MGAT4C: variants seen among roughly 807,000 people sequenced by gnomAD.
MGAT4C encodes the protein MGAT4 family member C.
Under a neutral mutation model 40.1 loss-of-function variants are expected in MGAT4C, and 19 were observed. The ratio of observed to expected loss-of-function variants is 0.47; its 90% CI spans 0.33 to 0.70. The LOEUF (loss-of-function observed/expected upper bound fraction) is 0.70, where lower values mean the gene tolerates loss of function less well. Among genes scored for constraint, MGAT4C ranks in the 30% least tolerant of loss-of-function variants. The probability of loss-of-function intolerance (pLI) is 0.02; values close to 1 mark genes in which losing one functional copy is unlikely to be tolerated. For missense variants in MGAT4C, 491 were observed against 563.2 expected (o/e 0.87, Z 1.30); for synonymous variants, 181 against 187.1 (o/e 0.97, Z 0.27).
chr12:86,090,842 C>A (rs1872752640), intron 1 of MGAT4C, among the ~76,000 whole-genome samples: 1 of 151,806 alleles, frequency 6.6e-6, no homozygotes, highest in African/African-American at 2.4e-5. Flanking sequence ...TGAGCACATG[C>A]TTGGGCTACC....
intron 1 of MGAT4C, among the ~76,000 whole-genome samples, chr12:86,231,626 G>A (rs917911830): frequency 6.6e-6 from 1 of 152,086 alleles, no homozygotes; most frequent in African/African-American, 2.4e-5. Context: ...GAACATATAA[G>A]TGATATACAG....
chr12:86,507,755 T>C (rs776530303), intron 2 of MGAT4C, among the ~76,000 whole-genome samples: 22 of 152,174 alleles, frequency 1.4e-4, no homozygotes, highest in Non-Finnish European at 2.5e-4. Flanking sequence ...TTACTGAATC[T>C]TTGAGCAAAA....
intron 4 of MGAT4C, among the ~76,000 whole-genome samples, chr12:86,326,712 G>A (rs1778094905): frequency 1.3e-5 from 2 of 152,014 alleles, no homozygotes; most frequent in Admixed American, 1.3e-4. Flanking sequence ...ACCCACTTGA[G>A]CCTTTACATT....
rs528317258 is a variant in MGAT4C, at chr12:86,497,783, A to ATTTTGCTTATTTTTCACCTTCAATTG, written c.-228-62544_-228-62519dup. On this transcript the variant is annotated intron_variant, in intron 2 of 7. Transcript: ENST00000548651. ...ATTTCCAATTAGCATGGTGATGCTT[A>ATTTTGCTTATTTTTCACCTTCAATTG]TTTTGCTTATTTTTCACCTTCAATT... Among the ~76,000 whole-genome samples the ATTTTGCTTATTTTTCACCTTCAATTG allele has an allele frequency of 5.3e-3, 801 of 150,512 alleles. 5 individuals are homozygous for ATTTTGCTTATTTTTCACCTTCAATTG. Among genetic ancestry groups the ATTTTGCTTATTTTTCACCTTCAATTG allele is most frequent in the Non-Finnish European group, 8.6e-3 (584 of 67,532 alleles).
At chr12:86,776,897 A>G (rs897756863) in intron 1 of MGAT4C, among the ~76,000 whole-genome samples, 4 of 152,072 alleles carry the variant, frequency 2.6e-5, no homozygotes, top group Non-Finnish European at 4.4e-5. Context: ...AAATGATTCA[A>G]TTTTTTTGAC....
intron 2 of MGAT4C, among the ~76,000 whole-genome samples, chr12:86,653,702 G>T (rs1015519772): frequency 3.3e-5 from 5 of 151,890 alleles, no homozygotes; most frequent in Non-Finnish European, 7.4e-5. Flanking sequence ...TAGGTTGATG[G>T]AGGTAGAGAC....
chr12:86,807,469 G>A (rs1952380276), intron 1 of MGAT4C, among the ~76,000 whole-genome samples: 3 of 151,908 alleles, frequency 2.0e-5, no homozygotes, highest in South Asian at 2.1e-4. Flanking sequence ...CCTTTTTTGT[G>A]GCTGCATAGT....
intron 3 of MGAT4C, among the ~76,000 whole-genome samples, chr12:86,358,110 A>G (rs1423524762): frequency 6.6e-6 from 1 of 152,238 alleles, no homozygotes; most frequent in Non-Finnish European, 1.5e-5. Context: ...AGGGAAGCCC[A>G]TCAGATTAAT....
chr12:86,227,183 AT>A (rs137908521), intron 1 of MGAT4C, among the ~76,000 whole-genome samples: 9 of 150,810 alleles, frequency 6.0e-5, no homozygotes, highest in African/African-American at 1.7e-4. Context: ...CAAAGATGTC[AT>A]TTTTTTTTCT....
chr12:85,980,180 T>C lies in MGAT4C; in HGVS notation c.546A>G (p.Leu182=), dbSNP rs1318711283. Residue 182 remains leucine, a synonymous_variant, in exon 5 of 5, where the codon CTA becomes CTG. Transcript: ENST00000611864. Reference sequence around the variant, plus strand: ...CATTGTAATTTCTTTTAAGGCCATCTAGGATTGGGTAATACTCCTCTGGAG... The same window carrying C: ...CATTGTAATTTCTTTTAAGGCCATCCAGGATTGGGTAATACTCCTCTGGAG... ...IHAPEEYYPI[L]DGLKRNYNDP... 1.2e-6 allele frequency: 2 copies of C among 1,613,860 alleles called. No individual in the cohort carries two copies. The highest frequency in any genetic ancestry group is 1.7e-6 in the Non-Finnish European group (2 of 1,179,910).
At chr12:86,585,347 T>C (rs761298224) in intron 2 of MGAT4C, among the ~76,000 whole-genome samples, 1 of 151,544 alleles carries the variant, frequency 6.6e-6, no homozygotes, top group Non-Finnish European at 1.5e-5. Context: ...TTAATTATTG[T>C]TTAATTATGT....
intron 1 of MGAT4C, among the ~76,000 whole-genome samples, chr12:86,189,011 T>C (rs1036486164): frequency 2.6e-5 from 4 of 152,038 alleles, no homozygotes; most frequent in Non-Finnish European, 2.9e-5. Context: ...TATGTGGAGA[T>C]AGAGGAGTGT....
At position 86,355,977 on chromosome 12, in the gene MGAT4C, C is replaced by T. The variant is rs1303893312; in HGVS notation, c.-119-21850G>A. ...TGAAATACATATGATAGCCACTCCA[C>T]AAAGAGGGGGTTGCATAAATAAAGA... On this transcript the variant is annotated intron_variant, in intron 3 of 7. Coordinates refer to the MGAT4C transcript ENST00000548651. Among the ~76,000 whole-genome samples, 6 of 151,980 alleles carry T rather than the reference C, an allele frequency of 3.9e-5. 1 individual carries two copies. Among genetic ancestry groups the T allele is most frequent in the Non-Finnish European group, 7.4e-5 (5 of 67,990 alleles).
intron 1 of MGAT4C, among the ~76,000 whole-genome samples, chr12:86,737,025 A>C (rs945876518): frequency 6.6e-6 from 1 of 151,468 alleles, no homozygotes; most frequent in Non-Finnish European, 1.5e-5. Flanking sequence ...AAAAAAAAAA[A>C]AAAAACCTGC....
intron 1 of MGAT4C, among the ~76,000 whole-genome samples, chr12:86,248,404 TG>T (rs1175200698): frequency 1.3e-5 from 2 of 152,006 alleles, no homozygotes; most frequent in African/African-American, 2.4e-5. Flanking sequence ...GATTTTTTTT[TG>T]TTCTTTCCCC....
intron 2 of MGAT4C, among the ~76,000 whole-genome samples, chr12:86,596,200 AAAAT>A (rs150343887): frequency 0.84 from 126,490 of 150,806 alleles, 53,591 homozygotes; most frequent in East Asian, 0.96. Flanking sequence ...ATCACGGATT[AAAAT>A]AAATAAATAA....
At chr12:86,281,609 C>T (rs1288971138) in intron 4 of MGAT4C, among the ~76,000 whole-genome samples, 1 of 152,034 alleles carries the variant, frequency 6.6e-6, no homozygotes, top group East Asian at 1.9e-4. Context: ...GTCTCGAACT[C>T]ATGGCCTGAA....
rs1347161585 is a variant in MGAT4C, at chr12:86,089,503, T to A, written c.-56-39780A>T. 2.0e-5 allele frequency among the ~76,000 whole-genome samples: 3 copies of A among 151,946 alleles called. No individual in the cohort carries two copies. In the East Asian group the frequency reaches 5.8e-4, roughly 29 times the overall value. ...TCCTCCTCTATCCCACTGGTTGAAT[T>A]GTCAATGCTCAGGAAAACATCTTAA... On this transcript the variant is annotated intron_variant, in intron 1 of 4. Coordinates refer to ENST00000611864, the MANE Select transcript of MGAT4C (RefSeq NM_001351288.2).
At chr12:86,479,377 G>A (rs1386261362) in intron 2 of MGAT4C, among the ~76,000 whole-genome samples, 1 of 151,944 alleles carries the variant, frequency 6.6e-6, no homozygotes, top group Non-Finnish European at 1.5e-5. Context: ...ATGGTTTAAA[G>A]TATAGTCATG....
Sources: gnomAD v4.1 joint callset for allele counts (sites outside exome capture counted in the v4.1 genomes callset) on GRCh38, gnomAD v4.1.1 for gene constraint, MANE v1.5 for transcripts, NCBI Gene and HGNC (gene_info 2026-07-23, HGNC 2026-07-21) for gene names.